The following TCF4 variants were observed in gnomAD, a reference collection of about 807,000 sequenced individuals.
TCF4 encodes transcription factor 4.
Under a neutral mutation model 82.1 loss-of-function variants are expected in TCF4, and 3 were observed. The ratio of observed to expected loss-of-function variants is 0.04; its 90% confidence interval spans 0.02 to 0.09. TCF4 has a LOEUF of 0.09. TCF4 is among the 10% of genes least tolerant of loss of function. TCF4 has a pLI of 1.00. For synonymous variants in TCF4, 276 were observed against 309.6 expected (o/e 0.89, Z 1.14); for missense variants, 518 against 852.7 (o/e 0.61, Z 4.89).
intron 8 of TCF4, among the ~76,000 whole-genome samples, chr18:55,327,230 AT>A (rs1171788962): frequency 5.9e-5 from 9 of 152,136 alleles, no homozygotes; most frequent in Non-Finnish European, 1.2e-4. Context: ...TGGAGAAAAT[AT>A]TTATCTCAGA....
At chr18:55,564,611 T>C (rs2097385452) in intron 3 of TCF4, among the ~76,000 whole-genome samples, 1 of 152,136 alleles carries the variant, frequency 6.6e-6, no homozygotes, top group African/African-American at 2.4e-5. Flanking sequence ...TCATTTCCTA[T>C]ATGCAGAAGC....
intron 8 of TCF4, among the ~76,000 whole-genome samples, chr18:55,283,382 C>T (rs975551479): frequency 5.9e-5 from 9 of 152,060 alleles, no homozygotes; most frequent in African/African-American, 2.2e-4. Flanking sequence ...CAAAGGTATG[C>T]CTCCTACTCT....
At chr18:55,570,772 C>T (rs1198951717) in intron 3 of TCF4, among the ~76,000 whole-genome samples, 3 of 151,066 alleles carry the variant, frequency 2.0e-5, no homozygotes, top group South Asian at 4.2e-4. Context: ...TCCTGCTACC[C>T]GGGAGGCTGA....
At position 55,609,982 on chromosome 18, in the gene TCF4, A is replaced by AT. The variant is rs929564106; in HGVS notation, c.286+21315dup. Among the ~76,000 whole-genome samples the AT allele has an allele frequency of 6.3e-3, 927 of 146,120 alleles. 6 individuals carry two copies. The highest frequency in any genetic ancestry group is 0.011 in the African/African-American group (441 of 40,016). On this transcript the variant is annotated intron_variant, in intron 2 of 20. Coordinates refer to the TCF4 transcript ENST00000398339. Reference sequence around the variant, plus strand: ...TACCATATGTTTTACTTATTTGCTTATTTTTTTTTTTAGTCTTCTCTGCCA... The same window carrying AT: ...TACCATATGTTTTACTTATTTGCTTATTTTTTTTTTTTAGTCTTCTCTGCCA...
chr18:55,347,399 C>T (rs368981015), intron 8 of TCF4, among the ~76,000 whole-genome samples: 1 of 152,140 alleles, frequency 6.6e-6, no homozygotes, highest in East Asian at 1.9e-4. Context: ...ACAGGCTTCC[C>T]CCCGACACGC....
At chr18:55,450,916 T>C (rs2144346575) in intron 5 of TCF4, among the ~76,000 whole-genome samples, 1 of 152,332 alleles carries the variant, frequency 6.6e-6, no homozygotes. Flanking sequence ...CTTGGCCTTG[T>C]GTTTAAAGAT....
chr18:55,340,513 G>A (rs1443196190), intron 8 of TCF4, among the ~76,000 whole-genome samples: 2 of 140,228 alleles, frequency 1.4e-5, no homozygotes, highest in Admixed American at 7.8e-5. Context: ...GAGCCTGGGA[G>A]TTTGAGACTG....
chr18:55,270,823 T>A (rs184203579), intron 10 of TCF4, among the ~76,000 whole-genome samples: 1 of 152,228 alleles, frequency 6.6e-6, no homozygotes, highest in African/African-American at 2.4e-5. Flanking sequence ...AAAATGGACA[T>A]AGTAATTTAC....
At chr18:55,301,014 T>C (rs1004847934) in intron 8 of TCF4, among the ~76,000 whole-genome samples, 11 of 152,094 alleles carry the variant, frequency 7.2e-5, no homozygotes, top group Non-Finnish European at 1.6e-4. Context: ...ATGACCCCCC[T>C]GGTCCCTCAG....
At chr18:55,465,031 C>A (rs1470934998) in intron 3 of TCF4, among the ~76,000 whole-genome samples, 2 of 152,124 alleles carry the variant, frequency 1.3e-5, no homozygotes, top group East Asian at 3.8e-4. Context: ...ATCAGTTGCT[C>A]TATATTTAGA....
At chr18:55,327,550 A>G (rs762748407) in intron 8 of TCF4, among the ~76,000 whole-genome samples, 83 of 152,082 alleles carry the variant, frequency 5.5e-4, no homozygotes, top group Non-Finnish European at 9.7e-4. Context: ...TTATTTTTAT[A>G]TGGCCTGGGT....
At chr18:55,420,504 C>T (rs1039502146) in intron 5 of TCF4, among the ~76,000 whole-genome samples, 2 of 152,140 alleles carry the variant, frequency 1.3e-5, no homozygotes, top group Non-Finnish European at 1.5e-5. Flanking sequence ...CTCCAGTTTA[C>T]TCAGTCACAT....
At chr18:55,233,940 G>A (rs567122777) in intron 16 of TCF4, among the ~76,000 whole-genome samples, 1 of 151,520 alleles carries the variant, frequency 6.6e-6, no homozygotes, top group Non-Finnish European at 1.5e-5. Flanking sequence ...ATGCCCACAT[G>A]TATTCCTGTG....
intron 8 of TCF4, among the ~76,000 whole-genome samples, chr18:55,294,057 C>T (rs544687813): frequency 1.4e-5 from 2 of 140,604 alleles, no homozygotes; most frequent in African/African-American, 5.2e-5. Flanking sequence ...GTCAGGAATT[C>T]AAGACCAGCC....
chr18:55,553,537 C>A (rs1421505779), intron 3 of TCF4: 1 of 152,170 alleles, frequency 6.6e-6, no homozygotes, highest in Non-Finnish European at 1.5e-5. Context: ...AAATAAATTT[C>A]AAGCTTTGGG....
chr18:55,602,424 C>T (rs183608624), intron 2 of TCF4, among the ~76,000 whole-genome samples: 126 of 152,218 alleles, frequency 8.3e-4, no homozygotes, highest in South Asian at 2.1e-4. Context: ...TGTTGGCATC[C>T]GCCACTGACT....
intron 3 of TCF4, among the ~76,000 whole-genome samples, chr18:55,539,074 T>A (rs758598460): frequency 1.2e-4 from 18 of 146,910 alleles, no homozygotes; most frequent in South Asian, 2.1e-4. Flanking sequence ...GGATAAAACA[T>A]GATGAGAAAA....
intron 8 of TCF4, among the ~76,000 whole-genome samples, chr18:55,310,808 T>A (rs1042577520): frequency 6.6e-6 from 1 of 152,242 alleles, no homozygotes; most frequent in Admixed American, 6.5e-5. Flanking sequence ...TTCTTTATGC[T>A]AATTTCTTCT....
chr18:55,450,438 C>T (rs752301743), intron 5 of TCF4, among the ~76,000 whole-genome samples: 2 of 152,304 alleles, frequency 1.3e-5, no homozygotes, highest in South Asian at 4.1e-4. Context: ...TTAATTTAAT[C>T]TCAACCTATG....
Sources: allele counts gnomAD v4.1 joint callset (sites outside exome capture counted in the v4.1 genomes callset), GRCh38; gene constraint gnomAD v4.1.1; transcripts MANE v1.5; gene names NCBI Gene and HGNC (gene_info 2026-07-23, HGNC 2026-07-21).